SLC45A4: variants seen among roughly 807,000 people sequenced by gnomAD.
SLC45A4 encodes solute carrier family 45 member 4, also known as polyamine-transporter SLC45A4.
In SLC45A4, 32 loss-of-function variants were observed where a neutral mutation model predicts 63.7. The ratio of observed to expected loss-of-function variants is 0.50; its 90% CI spans 0.38 to 0.67. The LOEUF is 0.67. Ranked by LOEUF, SLC45A4 falls within the 30% of genes least tolerant of loss-of-function variation. SLC45A4 has a pLI of 0.00. For missense variants in SLC45A4, 1,027 were observed against 1,157.7 expected (o/e 0.89, Z 1.64); for synonymous variants, 535 against 510.0 (o/e 1.05, Z -0.66).
chr8:141,243,616 G>T (rs1828019315), intron 2 of SLC45A4, among the ~76,000 whole-genome samples: 3 of 152,128 alleles, frequency 2.0e-5, no homozygotes, highest in Admixed American at 2.0e-4. Flanking sequence ...CTGTGCTCCA[G>T]CCTGGGCGAC....
intron 1 of SLC45A4, among the ~76,000 whole-genome samples, chr8:141,296,578 G>T (rs1296998566): frequency 6.8e-6 from 1 of 147,560 alleles, no homozygotes; most frequent in Admixed American, 6.7e-5. Flanking sequence ...GCTCACGCCA[G>T]TAATCCTAGC....
chr8:141,268,248 T>C (rs1272723443), intron 1 of SLC45A4, among the ~76,000 whole-genome samples: 1 of 152,176 alleles, frequency 6.6e-6, no homozygotes, highest in African/African-American at 2.4e-5. Context: ...ACTAGACGAC[T>C]TTCTGGAAGA....
chr8:141,271,861 A>ACG (rs1351980341), intron 1 of SLC45A4, among the ~76,000 whole-genome samples: 1 of 149,652 alleles, frequency 6.7e-6, no homozygotes, highest in Admixed American at 6.6e-5. Context: ...ACACACACAC[A>ACG]CGCACTCACA....
intron 2 of SLC45A4, among the ~76,000 whole-genome samples, chr8:141,232,104 C>T (rs927586875): frequency 6.6e-6 from 1 of 152,254 alleles, no homozygotes; most frequent in African/African-American, 2.4e-5. Flanking sequence ...CAGAAGGGGT[C>T]TTCAGGGGTG....
chr8:141,263,188 G>A (rs1002230341), intron 1 of SLC45A4, among the ~76,000 whole-genome samples: 3 of 137,714 alleles, frequency 2.2e-5, no homozygotes, highest in Non-Finnish European at 4.6e-5. Context: ...CACAGGAAGG[G>A]GACCGTCACA....
chr8:141,265,368 TGAGAA>T (rs1829224416), intron 1 of SLC45A4, among the ~76,000 whole-genome samples: 1 of 152,162 alleles, frequency 6.6e-6, no homozygotes, highest in African/African-American at 2.4e-5. Context: ...AAAGCAGCTC[TGAGAA>T]GAGAAGGGAG....
intron 1 of SLC45A4, among the ~76,000 whole-genome samples, chr8:141,285,688 G>A (rs1439463153): frequency 1.3e-5 from 2 of 152,192 alleles, no homozygotes; most frequent in African/African-American, 4.8e-5. Flanking sequence ...GGACCAACAG[G>A]ACAAGACTGA....
At position 141,218,420 on chromosome 8, in the gene SLC45A4, G is replaced by C. The variant is rs1360929281; in HGVS notation, c.1220C>G (p.Ala407Gly). ...GYTRVDTKPSATSSSMRRRRH... is the reference protein window; with the variant it reads ...GYTRVDTKPSGTSSSMRRRRH... ...CCGCCGCCGCATGGAGCTCGACGTG[G>C]CCGAGGGCTTCGTGTCCACCCTGGT... is the stretch of plus-strand genomic sequence containing the variant. Residue 407 changes from alanine to glycine, a missense_variant, in exon 5 of 9, where the codon GCC becomes GGC. Ala to Gly is a moderately conservative substitution (Grantham distance 60). Coordinates refer to ENST00000517878, the MANE Select transcript of SLC45A4 (RefSeq NM_001286646.2). The C allele has an allele frequency of 6.2e-7, 1 of 1,611,282 alleles. No individual in the cohort carries two copies.
chr8:141,252,004 G>A (rs555113318), intron 2 of SLC45A4, among the ~76,000 whole-genome samples: 1 of 144,970 alleles, frequency 6.9e-6, no homozygotes, highest in African/African-American at 2.5e-5. Context: ...GGCTGAGTGA[G>A]CGCTCACGGA....
At chr8:141,282,014 C>T (rs1324599552) in intron 1 of SLC45A4, among the ~76,000 whole-genome samples, 1 of 152,204 alleles carries the variant, frequency 6.6e-6, no homozygotes, top group South Asian at 2.1e-4. Flanking sequence ...GGCAAGGACA[C>T]GGGTCAGCCA....
At chr8:141,217,933 C>T in intron 5 of SLC45A4, 78 bp downstream of exon 5, 1 of 1,476,618 alleles carries the variant, frequency 6.8e-7, no homozygotes, top group Non-Finnish European at 9.0e-7. Context: ...AAGAGGCCCC[C>T]CGGCCCAGCC....
intron 1 of SLC45A4, among the ~76,000 whole-genome samples, chr8:141,281,547 C>T (rs923495603): frequency 4.6e-5 from 7 of 152,324 alleles, no homozygotes; most frequent in Admixed American, 1.3e-4. Flanking sequence ...CGTGGCCCCT[C>T]GACTGCTCTC....
At chr8:141,290,795 CG>C (rs1338321504) in intron 1 of SLC45A4, among the ~76,000 whole-genome samples, 2 of 152,148 alleles carry the variant, frequency 1.3e-5, no homozygotes, top group Non-Finnish European at 2.9e-5. Flanking sequence ...AGGGATGTGG[CG>C]GGGGGGCCTG....
chr8:141,261,219 C>T (rs544557801), intron 1 of SLC45A4, among the ~76,000 whole-genome samples: 28 of 152,268 alleles, frequency 1.8e-4, no homozygotes, highest in Non-Finnish European at 3.7e-4. Flanking sequence ...ATTGATGGGA[C>T]GTATCTCAAA....
At chr8:141,220,939 T>C (rs1354523409) in intron 3 of SLC45A4, among the ~76,000 whole-genome samples, 3 of 152,226 alleles carry the variant, frequency 2.0e-5, no homozygotes, top group African/African-American at 7.2e-5. Flanking sequence ...CATCGCCTGT[T>C]GGCGACGAAG....
chr8:141,285,279 G>A (rs1319606739), intron 1 of SLC45A4, among the ~76,000 whole-genome samples: 2 of 152,226 alleles, frequency 1.3e-5, no homozygotes, highest in Non-Finnish European at 2.9e-5. Context: ...CTCGGGTCAC[G>A]CAGCCTCATG....
chr8:141,300,177 C>T (rs906848952), intron 1 of SLC45A4, among the ~76,000 whole-genome samples: 3 of 152,136 alleles, frequency 2.0e-5, no homozygotes, highest in Non-Finnish European at 4.4e-5. Context: ...AAACTTCAGC[C>T]GGACCCACAT....
intron 5 of SLC45A4, among the ~76,000 whole-genome samples, 195 bp downstream of exon 5, chr8:141,217,816 G>A (rs755589597): frequency 2.6e-5 from 4 of 152,178 alleles, no homozygotes; most frequent in African/African-American, 4.8e-5. Context: ...ACCCCAGGAC[G>A]GCCCCCACCA....
In SLC45A4 at chr8:141,256,845, A is replaced by G. The variant is rs1326187298; in HGVS notation, c.-400-2216T>C. Reference sequence around the variant, plus strand: ...CCTTACTGCAATATTTTTTCAAAAAACTGTGTAATGAAACTTTTTTTTTTT... The same window carrying G: ...CCTTACTGCAATATTTTTTCAAAAAGCTGTGTAATGAAACTTTTTTTTTTT... On this transcript the variant is annotated intron_variant, in intron 1 of 8. Coordinates refer to ENST00000517878, the MANE Select transcript of SLC45A4 (RefSeq NM_001286646.2). The surrounding 1 kb of genome is among the most constrained non-coding windows in gnomAD (Gnocchi z 4.3). The G allele has an allele frequency of 1.5e-5, 5 of 339,680 alleles. No individual in the cohort carries two copies. Among genetic ancestry groups the G allele is most frequent in the Non-Finnish European group, 2.9e-5 (5 of 170,606 alleles). The allele number at this position is 339,680 out of a possible 1,614,324, so 21.0% of individuals were successfully genotyped here. A position where few individuals can be genotyped will look rare whatever the true frequency, so the allele number is the denominator to read the frequency against.
Sources: allele counts gnomAD v4.1 joint callset (sites outside exome capture counted in the v4.1 genomes callset), GRCh38; gene constraint gnomAD v4.1.1; non-coding constraint Gnocchi (gnomAD v3.1); transcripts MANE v1.5; gene names NCBI Gene and HGNC (gene_info 2026-07-23, HGNC 2026-07-21).